Variants in SLC5A4 observed in about 807,000 individuals in gnomAD.
SLC5A4 encodes probable glucose sensor protein SLC5A4.
A neutral mutation model predicts 70.3 loss-of-function variants in SLC5A4; 55 were observed. The observed-to-expected ratio is 0.78, with a 90% confidence interval of 0.63 to 0.98. The LOEUF is 0.98. Ranked by LOEUF, SLC5A4 falls within the 50% of genes least tolerant of loss-of-function variation. The probability of loss-of-function intolerance (pLI) is 0.00; values close to 1 mark genes in which losing one functional copy is unlikely to be tolerated. For synonymous variants in SLC5A4, 268 were observed against 305.7 expected (o/e 0.88, Z 1.29); for missense variants, 735 against 839.2 (o/e 0.88, Z 1.53).
At chr22:32,306,773 C>T in the SLC5A4 span, among the ~76,000 whole-genome samples, 1 of 152,196 alleles carries the variant, frequency 6.6e-6, no homozygotes, top group African/African-American at 2.4e-5. Flanking sequence ...AGCCCCCCAC[C>T]TCGTTACTGC....
the SLC5A4 span, among the ~76,000 whole-genome samples, chr22:32,323,415 G>T: frequency 1.3e-5 from 2 of 152,156 alleles, no homozygotes; most frequent in African/African-American, 4.8e-5. Flanking sequence ...CTGTTCATTG[G>T]ATTCTGCAAG....
chr22:32,290,695 TGC>T, the SLC5A4 span, among the ~76,000 whole-genome samples: 1 of 152,126 alleles, frequency 6.6e-6, no homozygotes. Context: ...ATGTGGGGTG[TGC>T]AGAAGACTCG....
chr22:32,311,188 C>T, the SLC5A4 span, among the ~76,000 whole-genome samples: 3 of 152,196 alleles, frequency 2.0e-5, no homozygotes, highest in African/African-American at 4.8e-5. Context: ...GCAGAACACT[C>T]GCCGCCCTTG....
chr22:32,235,886 T>C (rs1396644261), intron 7 of SLC5A4, among the ~76,000 whole-genome samples: 3 of 152,224 alleles, frequency 2.0e-5, no homozygotes, highest in Non-Finnish European at 4.4e-5. Flanking sequence ...TAGGATCATG[T>C]GCAAAATAAA....
At chr22:32,268,625 G>A in the SLC5A4 span, 20,251 of 152,192 alleles carry the variant, frequency 0.13, 2,923 homozygotes, top group African/African-American at 0.37. Flanking sequence ...ATGGCCCTGA[G>A]AAAGTAGCCA....
intron 12 of SLC5A4, 139 bp from the exon 13 acceptor site, chr22:32,224,621 T>C: frequency 3.0e-6 from 2 of 667,378 alleles, no homozygotes; most frequent in Non-Finnish European, 5.1e-6. Flanking sequence ...GTTACCGACA[T>C]AGAGAAAATT....
At chr22:32,260,356 C>G in the SLC5A4 span, among the ~76,000 whole-genome samples, 1 of 152,084 alleles carries the variant, frequency 6.6e-6, no homozygotes, top group Non-Finnish European at 1.5e-5. Flanking sequence ...AGTCACTCCC[C>G]CCAGCCGTCA....
At chr22:32,304,310 T>TTC in the SLC5A4 span, among the ~76,000 whole-genome samples, 2 of 151,964 alleles carry the variant, frequency 1.3e-5, no homozygotes, top group Non-Finnish European at 2.9e-5. Context: ...GGGGTTTTTT[T>TTC]CCGTATTTTT....
the SLC5A4 span, among the ~76,000 whole-genome samples, chr22:32,262,114 C>A: frequency 5.3e-3 from 807 of 152,296 alleles, 9 homozygotes; most frequent in African/African-American, 0.019. Flanking sequence ...GCTATTGTGA[C>A]TAGTGCTGCA....
At chr22:32,333,805 A>G in the SLC5A4 span, among the ~76,000 whole-genome samples, 1 of 150,038 alleles carries the variant, frequency 6.7e-6, no homozygotes, top group African/African-American at 2.5e-5. Flanking sequence ...ACACAGATCC[A>G]CACAATATCA....
chr22:32,312,365 GCACA>G, the SLC5A4 span, among the ~76,000 whole-genome samples: 26 of 102,116 alleles, frequency 2.5e-4, no homozygotes, highest in South Asian at 7.4e-4. Flanking sequence ...ACGCGCGCGC[GCACA>G]CACACACACA....
chr22:32,239,097 A>G lies in SLC5A4; in HGVS notation c.478-7T>C, dbSNP rs1039188518. 1 of 1,606,374 alleles carries G rather than the reference A, an allele frequency of 6.2e-7. No homozygotes were observed. On this transcript the variant is annotated splice_region_variant and splice_polypyrimidine_tract_variant and intron_variant, in intron 5 of 14. Transcript: ENST00000266086. ...CTCCAGCAAATATGTCTGCCTAAAA[A>G]GGGAACAGTCAGGATGAGAAAGAAA...
chr22:32,234,871 AC>A lies in SLC5A4; in HGVS notation c.885+1del, dbSNP rs1270489437. The A allele has an allele frequency of 6.2e-7, 1 of 1,601,436 alleles. No homozygotes were observed. ...ACAGACACACATATACATATACTTC[AC>A]CTGATTTGTGCACCAGTACCACAAA... On this transcript the variant is annotated splice_donor_variant, in intron 8 of 14. Transcript: ENST00000266086. LOFTEE classifies it high-confidence loss of function.
chr22:32,301,078 TCAG>T, the SLC5A4 span, among the ~76,000 whole-genome samples: 1 of 152,182 alleles, frequency 6.6e-6, no homozygotes, highest in Non-Finnish European at 1.5e-5. Context: ...TTCTCCTGCC[TCAG>T]CCTCCCAAGT....
Position 32,254,135 on chromosome 22 carries a change from C to A in SLC5A4, c.207+7G>T. On this transcript the variant is annotated splice_region_variant and intron_variant, in intron 2 of 14. Coordinates refer to ENST00000266086, the MANE Select transcript of SLC5A4 (RefSeq NM_014227.3). ...AATTTATCTCCAGAAAACTTCGATC[C>A]ACTTACCGGCCACCAGGCCATATCA... 1 of 1,612,092 alleles carries A rather than the reference C, an allele frequency of 6.2e-7. No individual in the cohort carries two copies. The highest frequency in any genetic ancestry group is 8.5e-7 in the Non-Finnish European group (1 of 1,178,190).
At chr22:32,303,259 G>C in the SLC5A4 span, among the ~76,000 whole-genome samples, 71 of 152,312 alleles carry the variant, frequency 4.7e-4, no homozygotes, top group Admixed American at 1.2e-3. Context: ...TATGTGTAAG[G>C]TATACATTGG....
chr22:32,285,237 C>A, the SLC5A4 span: 1 of 152,010 alleles, frequency 6.6e-6, no homozygotes, highest in African/African-American at 2.4e-5. Flanking sequence ...TGATAAGCAT[C>A]ATTTTGTTTC....
At chr22:32,329,170 C>T in the SLC5A4 span, among the ~76,000 whole-genome samples, 2 of 152,218 alleles carry the variant, frequency 1.3e-5, no homozygotes, top group East Asian at 1.9e-4. Context: ...TGTTGGGAGG[C>T]AACTGAGGGC....
At chr22:32,346,788 G>C in the SLC5A4 span, among the ~76,000 whole-genome samples, 1 of 146,764 alleles carries the variant, frequency 6.8e-6, no homozygotes, top group Non-Finnish European at 1.5e-5. Context: ...CAGGACATAG[G>C]CATGGGCAAG....
Sources: allele counts gnomAD v4.1 joint callset (sites outside exome capture counted in the v4.1 genomes callset), GRCh38; gene constraint gnomAD v4.1.1; transcripts MANE v1.5; gene names NCBI Gene and HGNC (gene_info 2026-07-23, HGNC 2026-07-21).